RAB38: variants seen among roughly 807,000 people sequenced by gnomAD.
RAB38 encodes the protein ras-related protein Rab-38.
A neutral mutation model predicts 18.4 loss-of-function variants in RAB38; 15 were observed. The ratio of observed to expected loss-of-function variants is 0.82; its 90% CI spans 0.55 to 1.26. The LOEUF is 1.26. RAB38 is among the 50% of genes most tolerant of loss of function. RAB38 has a pLI of 0.00. For synonymous variants in RAB38, 101 were observed against 104.4 expected (o/e 0.97, Z 0.20); for missense variants, 294 against 267.4 (o/e 1.10, Z -0.69).
chr11:88,116,183 A>G (rs901929151), intron 2 of RAB38, among the ~76,000 whole-genome samples: 2 of 152,172 alleles, frequency 1.3e-5, no homozygotes, highest in Non-Finnish European at 2.9e-5. Flanking sequence ...GACCCAGCTC[A>G]ACACTTTGTT....
At chr11:87,857,018 C>T in the RAB38 span, among the ~76,000 whole-genome samples, 1 of 151,996 alleles carries the variant, frequency 6.6e-6, no homozygotes, top group South Asian at 2.1e-4. Context: ...CCCCGCTCCC[C>T]CCACCCCACG....
chr11:88,039,371 G>C, the RAB38 span, among the ~76,000 whole-genome samples: 5,070 of 151,844 alleles, frequency 0.033, 229 homozygotes, highest in South Asian at 0.075. Flanking sequence ...TTTTATGATA[G>C]AACAGCAAAG....
chr11:88,036,018 T>C, the RAB38 span, among the ~76,000 whole-genome samples: 1 of 152,080 alleles, frequency 6.6e-6, no homozygotes, highest in Non-Finnish European at 1.5e-5. Context: ...AAAATTAAAA[T>C]CCAGGTTTTA....
At chr11:88,112,509 C>T (rs1942486891), downstream of RAB38, among the ~76,000 whole-genome samples, 1 of 152,166 alleles carries the variant, frequency 6.6e-6, no homozygotes. Context: ...CAGGATCCTG[C>T]AGAGTTGTAA....
the RAB38 span, among the ~76,000 whole-genome samples, chr11:87,811,831 G>GT: frequency 6.6e-6 from 1 of 152,114 alleles, no homozygotes; most frequent in African/African-American, 2.4e-5. Context: ...TTATAAAAAT[G>GT]TAAGAAATTT....
the RAB38 span, among the ~76,000 whole-genome samples, chr11:87,878,688 G>GTAA: frequency 1.3e-5 from 2 of 151,578 alleles, no homozygotes; most frequent in Non-Finnish European, 3.0e-5. Flanking sequence ...TTTATTTCAT[G>GTAA]TAATACCACA....
chr11:88,141,682 C>A (rs551488762), intron 2 of RAB38, among the ~76,000 whole-genome samples: 2 of 152,294 alleles, frequency 1.3e-5, no homozygotes, highest in East Asian at 3.9e-4. Flanking sequence ...GTTTGACATA[C>A]CGCAAAGCTT....
the RAB38 span, among the ~76,000 whole-genome samples, chr11:87,908,607 T>G: frequency 3.4e-4 from 51 of 152,182 alleles, 1 homozygote; most frequent in East Asian, 9.5e-3. Context: ...GTGACTTCAG[T>G]GTCTAGCACT....
the RAB38 span, among the ~76,000 whole-genome samples, chr11:87,905,868 A>G: frequency 2.0e-5 from 3 of 151,928 alleles, no homozygotes; most frequent in Non-Finnish European, 4.4e-5. Flanking sequence ...TGCAAATTAG[A>G]TTCTGTAGTA....
At chr11:88,072,805 AG>A in the RAB38 span, among the ~76,000 whole-genome samples, 1 of 152,128 alleles carries the variant, frequency 6.6e-6, no homozygotes, top group Non-Finnish European at 1.5e-5. Context: ...TTCAAAAAGT[AG>A]AAAAAAAAAA....
chr11:88,040,900 CTTAAAA>C, the RAB38 span, among the ~76,000 whole-genome samples: 1 of 152,140 alleles, frequency 6.6e-6, no homozygotes, highest in African/African-American at 2.4e-5. Context: ...GATACAGCCC[CTTAAAA>C]TTATTTTATT....
the RAB38 span, among the ~76,000 whole-genome samples, chr11:87,958,040 A>G: frequency 2.0e-5 from 3 of 152,264 alleles, no homozygotes; most frequent in African/African-American, 7.2e-5. Flanking sequence ...TTTGAAAGCC[A>G]TATGCATTCT....
At chr11:88,069,038 G>A in the RAB38 span, among the ~76,000 whole-genome samples, 5 of 152,342 alleles carry the variant, frequency 3.3e-5, no homozygotes, top group East Asian at 5.8e-4. Flanking sequence ...CTGCTTGCAG[G>A]GAGGTGTGGA....
At chr11:88,165,871 A>C (rs1943237920) in intron 1 of RAB38, 1 of 152,114 alleles carries the variant, frequency 6.6e-6, no homozygotes, top group South Asian at 2.1e-4. Flanking sequence ...AAAATCATGA[A>C]GGAAATTTGG....
At chr11:87,855,479 C>T in the RAB38 span, among the ~76,000 whole-genome samples, 3 of 152,100 alleles carry the variant, frequency 2.0e-5, no homozygotes, top group Non-Finnish European at 2.9e-5. Context: ...GAATAAAAGA[C>T]ATTTTTTGGT....
the RAB38 span, among the ~76,000 whole-genome samples, chr11:88,088,655 C>A: frequency 6.6e-6 from 1 of 151,816 alleles, no homozygotes; most frequent in South Asian, 2.1e-4. Context: ...TTTCCTGTCA[C>A]GACCAGAGTT....
the RAB38 span, among the ~76,000 whole-genome samples, chr11:88,049,281 G>C: frequency 3.3e-5 from 5 of 152,114 alleles, no homozygotes; most frequent in Non-Finnish European, 7.3e-5. Flanking sequence ...TAAACATCCA[G>C]ATGGCCAGTT....
chr11:87,945,871 G>C, the RAB38 span, among the ~76,000 whole-genome samples: 1 of 152,132 alleles, frequency 6.6e-6, no homozygotes, highest in African/African-American at 2.4e-5. Context: ...TATTAAGTTA[G>C]CTTTTATTGG....
At chr11:88,064,613 G>T in the RAB38 span, among the ~76,000 whole-genome samples, 1 of 152,176 alleles carries the variant, frequency 6.6e-6, no homozygotes, top group Non-Finnish European at 1.5e-5. Flanking sequence ...AGATTTAAAG[G>T]TTGTTGAAGC....
Sources: gnomAD v4.1 joint callset for allele counts (sites outside exome capture counted in the v4.1 genomes callset) on GRCh38, gnomAD v4.1.1 for gene constraint, MANE v1.5 for transcripts, NCBI Gene and HGNC (gene_info 2026-07-23, HGNC 2026-07-21) for gene names.